The following INHBC variants were observed in gnomAD, a reference collection of about 807,000 sequenced individuals.
INHBC encodes inhibin beta C chain.
INHBC carries 10 observed loss-of-function variants against 12.4 expected under a neutral mutation model. The ratio of observed to expected loss-of-function variants is 0.81; its 90% CI spans 0.50 to 1.37. The LOEUF is 1.37. INHBC is among the 40% of genes most tolerant of loss of function. The pLI, the probability that INHBC is intolerant of heterozygous loss-of-function variation, is 0.00. For missense variants in INHBC, 382 were observed against 439.4 expected, an observed-to-expected ratio of 0.87 and a Z score of 1.17; for synonymous variants, 147 against 171.6, an observed-to-expected ratio of 0.86 and a Z score of 1.12.
At chr12:57,438,208 A>G (rs916555250) in intron 1 of INHBC, among the ~76,000 whole-genome samples, 2 of 152,210 alleles carry the variant, frequency 1.3e-5, no homozygotes, top group African/African-American at 4.8e-5. Flanking sequence ...AATGGGGATA[A>G]TAAGAGGATA....
chr12:57,442,932 A>G (rs1438220609), intron 1 of INHBC, among the ~76,000 whole-genome samples: 1 of 149,740 alleles, frequency 6.7e-6, no homozygotes, highest in African/African-American at 2.5e-5. Flanking sequence ...CTGAGGTTGC[A>G]GTGAGCCGAG....
At chr12:57,448,481 A>G (rs756409084) in intron 1 of INHBC, among the ~76,000 whole-genome samples, 12 of 151,936 alleles carry the variant, frequency 7.9e-5, no homozygotes, top group Non-Finnish European at 1.3e-4. Context: ...AGGCAGAAGA[A>G]TCACTTGAAC....
intron 1 of INHBC, among the ~76,000 whole-genome samples, chr12:57,447,895 ATATATATAT>A (rs1870621360): frequency 2.1e-4 from 15 of 71,758 alleles, no homozygotes; most frequent in South Asian, 5.1e-4. Context: ...AAAAAAAAAT[ATATATATAT>A]ATATATATAT....
chr12:57,441,961 A>C (rs1594727646), intron 1 of INHBC, among the ~76,000 whole-genome samples: 1 of 152,164 alleles, frequency 6.6e-6, no homozygotes, highest in Middle Eastern at 3.4e-3. Flanking sequence ...GATTACAAGC[A>C]TGAGCCATTG....
rs554746508 is a variant in INHBC at position 57,451,800 on chromosome 12, A to T, written c.*1778A>T. On this transcript the variant is annotated 3_prime_UTR_variant, in exon 2 of 2. Transcript: ENST00000309668. ...GAGACCTTCATCTAAGGAGAATCTA[A>T]GGAGGCCTTCTGGTGTCTCCCCCAC... The T allele has an allele frequency of 6.6e-6, 3 of 452,788 alleles. No homozygotes were observed. Among genetic ancestry groups the T allele is most frequent in the South Asian group, 4.7e-5 (3 of 63,986 alleles). The allele number at this position is 452,788 out of a possible 1,614,324, so 28.0% of individuals were successfully genotyped here. A position where few individuals can be genotyped will look rare whatever the true frequency, so the allele number is the denominator to read the frequency against.
intron 1 of INHBC, among the ~76,000 whole-genome samples, chr12:57,441,573 G>T (rs995194634): frequency 2.0e-5 from 3 of 149,814 alleles, no homozygotes; most frequent in Non-Finnish European, 3.0e-5. Context: ...AGGTTTTTGT[G>T]ATGGTAGCAC....
intron 1 of INHBC, among the ~76,000 whole-genome samples, chr12:57,440,660 C>T (rs369595179): frequency 2.6e-5 from 4 of 151,990 alleles, no homozygotes; most frequent in Admixed American, 1.3e-4. Flanking sequence ...ATCTCTCTCC[C>T]GAAATGCCTT....
rs1456376703 is a variant in INHBC, at chr12:57,451,140, C to T, written c.*1118C>T. Among the ~76,000 whole-genome samples, 1 of 152,202 alleles carries T rather than the reference C, an allele frequency of 6.6e-6. No individual in the cohort carries two copies. Among genetic ancestry groups the T allele is most frequent in the Non-Finnish European group, 1.5e-5 (1 of 68,028 alleles). On this transcript the variant is annotated 3_prime_UTR_variant, in exon 2 of 2. Coordinates refer to ENST00000309668, the MANE Select transcript of INHBC (RefSeq NM_005538.4). ...CACTTTATGCCTCTTCTTTCTTAGGCACCCCGTCCCTCCATCCTTCCAGAA... is the reference window on the plus strand; with the variant it reads ...CACTTTATGCCTCTTCTTTCTTAGGTACCCCGTCCCTCCATCCTTCCAGAA...
At chr12:57,439,288 A>G (rs554321375) in intron 1 of INHBC, among the ~76,000 whole-genome samples, 1 of 152,362 alleles carries the variant, frequency 6.6e-6, no homozygotes, top group African/African-American at 2.4e-5. Context: ...TCACTGATCC[A>G]TAAAACTTCT....
At chr12:57,435,763 T>A (rs1870322731) in intron 1 of INHBC, among the ~76,000 whole-genome samples, 1 of 152,060 alleles carries the variant, frequency 6.6e-6, no homozygotes, top group East Asian at 1.9e-4. Flanking sequence ...CAGTGGCTCC[T>A]GCCTGTAATC....
chr12:57,442,230 ACAC>A (rs996798791), intron 1 of INHBC, among the ~76,000 whole-genome samples: 1 of 152,168 alleles, frequency 6.6e-6, no homozygotes, highest in African/African-American at 2.4e-5. Context: ...TACTCAATAA[ACAC>A]CATGCTTGCT....
intron 1 of INHBC, among the ~76,000 whole-genome samples, chr12:57,447,141 G>A (rs1214560448): frequency 6.8e-6 from 1 of 146,388 alleles, no homozygotes; most frequent in Non-Finnish European, 1.6e-5. Context: ...AACCATTCTG[G>A]TGAGACAAGG....
chr12:57,443,442 G>A lies in INHBC; in HGVS notation c.314-5835G>A, dbSNP rs546006462. Among the ~76,000 whole-genome samples the A allele has an allele frequency of 2.6e-4, 39 of 151,340 alleles. 1 individual carries two copies. In the East Asian group the frequency reaches 5.9e-3, roughly 23 times the overall value. Reference sequence around the variant, plus strand: ...TGGGATTACAGGCATGCGCCACCACGCCCGGCTAATTTTGTATTTTTAGTA... The same window carrying A: ...TGGGATTACAGGCATGCGCCACCACACCCGGCTAATTTTGTATTTTTAGTA... On this transcript the variant is annotated intron_variant, in intron 1 of 1. Coordinates refer to ENST00000309668, the MANE Select transcript of INHBC (RefSeq NM_005538.4).
chr12:57,439,207 C>G (rs1566549628), intron 1 of INHBC, among the ~76,000 whole-genome samples: 1 of 152,168 alleles, frequency 6.6e-6, no homozygotes, highest in Non-Finnish European at 1.5e-5. Flanking sequence ...AATGCTGAGA[C>G]AGGGACAGGA....
chr12:57,449,972 G>T lies in INHBC; in HGVS notation c.1009G>T (p.Val337Phe), dbSNP rs1870677402. Reference sequence around the variant, plus strand: ...CTATTATGACAGGGACAGCAACATTGTCAAGACTGACATACCTGACATGGT... The same window carrying T: ...CTATTATGACAGGGACAGCAACATTTTCAAGACTGACATACCTGACATGGT... Reference protein sequence around the residue: ...LLYYDRDSNIVKTDIPDMVVE... With the variant: ...LLYYDRDSNIFKTDIPDMVVE... Residue 337 changes from valine (V) to phenylalanine (F), a missense_variant, in exon 2 of 2, where the codon GTC becomes TTC. Physicochemically the swap from Val to Phe is conservative, Grantham distance 50. Coordinates refer to ENST00000309668, the MANE Select transcript of INHBC (RefSeq NM_005538.4). 4 of 1,543,534 alleles carry T rather than the reference G, an allele frequency of 2.6e-6. No homozygotes were observed. Among genetic ancestry groups the T allele is most frequent in the Non-Finnish European group, 2.6e-6 (3 of 1,143,286 alleles).
In INHBC at chr12:57,443,284, A is replaced by AT. The variant is rs1015826166; in HGVS notation, c.314-5984dup. On this transcript the variant is annotated intron_variant, in intron 1 of 1. Transcript: ENST00000309668. ...AGGGGCGTGCCACCATGCCCAGCTAATTTTTTTTTCTTTTTTTAAGACAGA... is the reference window on the plus strand; with the variant it reads ...AGGGGCGTGCCACCATGCCCAGCTAATTTTTTTTTTCTTTTTTTAAGACAGA... 7.6e-3 allele frequency among the ~76,000 whole-genome samples: 1,125 copies of AT among 147,324 alleles called. 7 individuals are homozygous for AT. The highest frequency in any genetic ancestry group is 0.027 in the African/African-American group (1,082 of 39,884).
chr12:57,442,862 G>T (rs567922879), intron 1 of INHBC, among the ~76,000 whole-genome samples: 2 of 151,820 alleles, frequency 1.3e-5, no homozygotes, highest in African/African-American at 4.8e-5. Context: ...ATGGTGGCAG[G>T]TGCCTCTAAT....
intron 1 of INHBC, 134 bp downstream of exon 1, chr12:57,435,333 T>G: frequency 1.8e-5 from 15 of 847,858 alleles, no homozygotes; most frequent in Non-Finnish European, 2.5e-5. Flanking sequence ...ATAATCTCCT[T>G]ACCCAGGTGT....
rs988287452 is a variant in INHBC, at chr12:57,448,588, A to T, written c.314-689A>T. Reference sequence around the variant, plus strand: ...CGTCTAAAAAAAAAAAAAAAAAAAAAAATTATGTTGCTTGACCATGAGTCT... The same window carrying T: ...CGTCTAAAAAAAAAAAAAAAAAAAATAATTATGTTGCTTGACCATGAGTCT... On this transcript the variant is annotated intron_variant, in intron 1 of 1. Coordinates refer to ENST00000309668, the MANE Select transcript of INHBC (RefSeq NM_005538.4). 1.4e-4 allele frequency among the ~76,000 whole-genome samples: 19 copies of T among 138,558 alleles called. 2 individuals carry two copies. Among genetic ancestry groups the T allele is most frequent in the Non-Finnish European group, 6.4e-5 (4 of 62,638 alleles). 90.9% of individuals were successfully genotyped at this position (138,558 alleles called of 152,430 possible). A position where few individuals can be genotyped will look rare whatever the true frequency, so the allele number is the denominator to read the frequency against.
Sources: allele counts gnomAD v4.1 joint callset (sites outside exome capture counted in the v4.1 genomes callset), GRCh38; gene constraint gnomAD v4.1.1; transcripts MANE v1.5; gene names NCBI Gene and HGNC (gene_info 2026-07-23, HGNC 2026-07-21).